The following BTAF1 variants were observed in gnomAD, a reference collection of about 807,000 sequenced individuals.
The protein encoded by BTAF1 is TATA-binding protein-associated factor 172.
A neutral mutation model predicts 227.1 loss-of-function variants in BTAF1; 38 were observed. The ratio of observed to expected loss-of-function variants is 0.17; its 90% CI spans 0.13 to 0.22. The LOEUF is 0.22. Ranked by LOEUF, BTAF1 falls within the 10% of genes least tolerant of loss-of-function variation. The pLI is 1.00. For synonymous variants in BTAF1, 742 were observed against 751.9 expected, an observed-to-expected ratio of 0.99 and a Z score of 0.21; for missense variants, 1,598 against 2,204.0, an observed-to-expected ratio of 0.73 and a Z score of 5.51.
In BTAF1 at chr10:92,029,050, A is replaced by G; in HGVS notation, c.*117A>G. On this transcript the variant is annotated 3_prime_UTR_variant, in exon 38 of 38. Transcript: ENST00000265990. ...CAATGTGTAAATAGATCTGGAGAAT[A>G]TTCAGCATAATGCTGGCTCTTGTTT... 1.1e-6 allele frequency: 1 copy of G among 896,526 alleles called. No individual in the cohort carries two copies. The highest frequency in any genetic ancestry group is 1.6e-6 in the Non-Finnish European group (1 of 612,336). 55.5% of individuals were successfully genotyped at this position (896,526 alleles called of 1,614,324 possible).
In BTAF1 at chr10:91,951,370, T is replaced by TTC. The variant is rs1441045505; in HGVS notation, c.401-32_401-31insCT. 8.8e-6 allele frequency: 14 copies of TTC among 1,593,364 alleles called. No homozygotes were observed. In the African/African-American group the frequency reaches 1.8e-4, roughly 20 times the overall value. On this transcript the variant is annotated intron_variant, in intron 4 of 37. Coordinates refer to ENST00000265990, the MANE Select transcript of BTAF1 (RefSeq NM_003972.3). ...ACGTATTAGAAAACTTCTTAACTGA[T>TTC]TTGGAGAAAACGTATTTCTTTTCTG... is the stretch of plus-strand genomic sequence containing the variant.
At chr10:92,027,628 G>A (rs554193159) in intron 37 of BTAF1, among the ~76,000 whole-genome samples, 1 of 152,218 alleles carries the variant, frequency 6.6e-6, no homozygotes, top group East Asian at 1.9e-4. Context: ...GTTACCTTAG[G>A]CAGATTATCT....
At position 91,951,492 on chromosome 10, in the gene BTAF1, A is replaced by C. The variant is rs939665361; in HGVS notation, c.490A>C (p.Ser164Arg). Residue 164 changes from serine (S) to arginine (R), a missense_variant, in exon 5 of 38, where the codon AGT (serine) becomes CGT (arginine). Ser to Arg is a moderately radical substitution (Grantham distance 110, BLOSUM62 -1). Coordinates refer to ENST00000265990, the MANE Select transcript of BTAF1 (RefSeq NM_003972.3). ...GLNMGEAIGM[S>R]TEELFNDEDL... is the part of the protein sequence containing the mutation. ...TAATATGGGAGAAGCAATTGGAATG[A>C]GTACTGAAGAACTTTTCAATGATGA... 2 of 1,612,474 alleles carry C rather than the reference A, an allele frequency of 1.2e-6. No individual in the cohort carries two copies. Among genetic ancestry groups the C allele is most frequent in the Non-Finnish European group, 8.5e-7 (1 of 1,179,526 alleles).
chr10:92,027,462 G>A (rs1301540052), intron 37 of BTAF1, among the ~76,000 whole-genome samples, 162 bp downstream of exon 37: 1 of 146,670 alleles, frequency 6.8e-6, no homozygotes, highest in East Asian at 2.0e-4. Flanking sequence ...AGCATACTAG[G>A]GGATGTGTGA....
At chr10:91,972,183 A>G (rs551690702) in intron 14 of BTAF1, among the ~76,000 whole-genome samples, 3 of 152,288 alleles carry the variant, frequency 2.0e-5, no homozygotes, top group African/African-American at 4.8e-5. Context: ...CTACCACTAT[A>G]TTAGAATTAA....
Position 92,030,837 on chromosome 10 carries a change from C to T in BTAF1, c.*1904C>T, listed in dbSNP as rs1210497736. ...TTTTGAGTTGTAAAATAGTAAATCACACATTCCAACTTTTCCATAGAAAGG... is the reference window on the plus strand; with the variant it reads ...TTTTGAGTTGTAAAATAGTAAATCATACATTCCAACTTTTCCATAGAAAGG... On this transcript the variant is annotated 3_prime_UTR_variant, in exon 38 of 38. Transcript: ENST00000265990. Among the ~76,000 whole-genome samples, 3 of 152,156 alleles carry T rather than the reference C, an allele frequency of 2.0e-5. No individual in the cohort carries two copies. The highest frequency in any genetic ancestry group is 4.8e-5 in the African/African-American group (2 of 41,450).
chr10:91,928,281 C>A (rs1844007958), intron 1 of BTAF1, among the ~76,000 whole-genome samples: 1 of 152,026 alleles, frequency 6.6e-6, no homozygotes, highest in Admixed American at 6.6e-5. Context: ...AAATGCATGG[C>A]CAACTCTTGA....
chr10:91,961,273 C>T (rs901505817), intron 11 of BTAF1, among the ~76,000 whole-genome samples: 2 of 152,138 alleles, frequency 1.3e-5, no homozygotes, highest in African/African-American at 4.8e-5. Context: ...CAGTTAGGAT[C>T]AGCATTGTCA....
intron 1 of BTAF1, among the ~76,000 whole-genome samples, chr10:91,934,364 G>T (rs577133704): frequency 6.6e-6 from 1 of 151,946 alleles, no homozygotes; most frequent in South Asian, 2.1e-4. Context: ...AGCCTCCCTA[G>T]TAGCCGGGAC....
intron 6 of BTAF1, among the ~76,000 whole-genome samples, chr10:91,956,152 A>G (rs1329984823): frequency 1.3e-5 from 2 of 152,148 alleles, no homozygotes; most frequent in African/African-American, 4.8e-5. Flanking sequence ...AGTTTTCTCT[A>G]GTATATAAAA....
intron 34 of BTAF1, among the ~76,000 whole-genome samples, chr10:92,022,115 A>G (rs1851182566): frequency 6.6e-6 from 1 of 152,198 alleles, no homozygotes; most frequent in Admixed American, 6.5e-5. Context: ...GACTTGGGTT[A>G]TAGATTAGTG....
At chr10:91,995,544 G>A (rs1849078493) in intron 23 of BTAF1, among the ~76,000 whole-genome samples, 1 of 151,876 alleles carries the variant, frequency 6.6e-6, no homozygotes, top group African/African-American at 2.4e-5. Context: ...GGCGTGATGG[G>A]ACATGCCTGT....
intron 14 of BTAF1, among the ~76,000 whole-genome samples, chr10:91,976,222 G>A (rs1847681248): frequency 6.6e-6 from 1 of 152,182 alleles, no homozygotes; most frequent in South Asian, 2.1e-4. Flanking sequence ...GATGCACAAG[G>A]CAAGGTATGG....
At chr10:91,998,127 C>CAAAAAAAA (rs55642022) in intron 25 of BTAF1, among the ~76,000 whole-genome samples, 1 of 99,418 alleles carries the variant, frequency 1.0e-5, no homozygotes. Flanking sequence ...GACTCCATCT[C>CAAAAAAAA]AAAAAAAAAA....
At chr10:92,007,264 G>T (rs1342503128) in intron 25 of BTAF1, among the ~76,000 whole-genome samples, 1 of 134,088 alleles carries the variant, frequency 7.5e-6, no homozygotes, top group Non-Finnish European at 1.5e-5. Flanking sequence ...TGTCACCCAG[G>T]CTGGAGTGCC....
intron 25 of BTAF1, among the ~76,000 whole-genome samples, chr10:91,998,725 A>ATGG (rs1849303115): frequency 6.6e-6 from 1 of 152,110 alleles, no homozygotes; most frequent in Non-Finnish European, 1.5e-5. Context: ...TCACCAGTTG[A>ATGG]TGGATATTTG....
chr10:91,989,414 T>C lies in BTAF1; in HGVS notation c.2688T>C (p.Tyr896=). ...KKEENTLVQN[Y]AAQCIAKLLQ... ...AAGAGAATACACTAGTGCAAAACTA[T>C]GCAGCTCAGTGCATAGCTAAACTCC... Residue 896 remains tyrosine (Y), a synonymous_variant, in exon 20 of 38, where the codon TAT becomes TAC. Transcript: ENST00000265990. 1 of 1,614,194 alleles carries C rather than the reference T, an allele frequency of 6.2e-7. No individual in the cohort carries two copies. The highest frequency in any genetic ancestry group is 8.5e-7 in the Non-Finnish European group (1 of 1,180,042).
intron 1 of BTAF1, among the ~76,000 whole-genome samples, chr10:91,933,051 A>G (rs1844379079): frequency 6.6e-6 from 1 of 152,154 alleles, no homozygotes; most frequent in South Asian, 2.1e-4. Flanking sequence ...ACCAGTGACC[A>G]TTCTGGGGAT....
chr10:91,977,817 C>T (rs965506624), intron 14 of BTAF1, among the ~76,000 whole-genome samples: 5 of 152,108 alleles, frequency 3.3e-5, no homozygotes, highest in South Asian at 2.1e-4. Context: ...TGGCAACATA[C>T]GATGTGGGCC....
Sources: gnomAD v4.1 joint callset for allele counts (sites outside exome capture counted in the v4.1 genomes callset) on GRCh38, gnomAD v4.1.1 for gene constraint, MANE v1.5 for transcripts, NCBI Gene and HGNC (gene_info 2026-07-23, HGNC 2026-07-21) for gene names.